The following KCMF1 variants were observed in gnomAD, a reference collection of about 807,000 sequenced individuals.
KCMF1 encodes potassium channel modulatory factor 1, also known as E3 ubiquitin-protein ligase KCMF1.
A neutral mutation model predicts 41.1 loss-of-function variants in KCMF1; 3 were observed. The ratio of observed to expected loss-of-function variants is 0.07; its 90% CI spans 0.03 to 0.19. The LOEUF is 0.19. Ranked by LOEUF, KCMF1 falls within the 10% of genes least tolerant of loss-of-function variation. KCMF1 has a pLI of 1.00. For synonymous variants in KCMF1, 142 were observed against 164.5 expected (o/e 0.86, Z 1.04); for missense variants, 286 against 488.9 (o/e 0.58, Z 3.91).
At position 85,054,898 on chromosome 2, in the gene KCMF1, A is replaced by G. The variant is rs1675893125; in HGVS notation, c.*1489A>G. ...ACATGACAAGCATACAGACTTGAAC[A>G]CCCCTCCGGTGTTCTTCCGAGAACT... On this transcript the variant is annotated 3_prime_UTR_variant, in exon 7 of 7. Transcript: ENST00000409785. 6.6e-6 allele frequency: 1 copy of G among 151,958 alleles called. No individual in the cohort carries two copies. Among genetic ancestry groups the G allele is most frequent in the Admixed American group, 6.6e-5 (1 of 15,258 alleles). 9.4% of individuals were successfully genotyped at this position (151,958 alleles called of 1,614,324 possible). A position where few individuals can be genotyped will look rare whatever the true frequency, so the allele number is the denominator to read the frequency against.
intron 1 of KCMF1, among the ~76,000 whole-genome samples, chr2:85,022,601 A>AGAAG (rs146620009): frequency 0.01 from 1,586 of 152,294 alleles, 20 homozygotes; most frequent in African/African-American, 0.036. Flanking sequence ...GTTTTTGTTT[A>AGAAG]GAAGGAAGGG....
intron 3 of KCMF1, among the ~76,000 whole-genome samples, chr2:85,037,702 C>G (rs1201958805): frequency 6.6e-6 from 1 of 152,192 alleles, no homozygotes; most frequent in Non-Finnish European, 1.5e-5. Context: ...TAACATATTC[C>G]TTTCTAAATG....
intron 1 of KCMF1, among the ~76,000 whole-genome samples, chr2:84,998,944 ATCTATCTATCTATCTATCTATCTG>A (rs1295557439): frequency 2.5e-4 from 25 of 98,626 alleles, no homozygotes; most frequent in South Asian, 2.5e-3. Context: ...CTATCTATCT[ATCTATCTATCTATCTATCTATCTG>A]TCTGTCTGTC....
intron 1 of KCMF1, among the ~76,000 whole-genome samples, chr2:85,019,784 A>G (rs1267164960): frequency 2.0e-5 from 3 of 151,788 alleles, no homozygotes; most frequent in South Asian, 2.1e-4. Context: ...ACGTGTATAT[A>G]TATACGTATA....
chr2:85,002,516 A>G (rs1674358500), intron 1 of KCMF1, among the ~76,000 whole-genome samples: 1 of 152,182 alleles, frequency 6.6e-6, no homozygotes, highest in Non-Finnish European at 1.5e-5. Context: ...CCTAATGTTA[A>G]TAGTTTGCAT....
intron 4 of KCMF1, 102 bp downstream of exon 4, chr2:85,043,767 C>T (rs1046631189): frequency 3.8e-6 from 3 of 788,218 alleles, no homozygotes; most frequent in Admixed American, 2.0e-5. Flanking sequence ...CCTGGCTGGT[C>T]TCAAACTCCT....
intron 1 of KCMF1, among the ~76,000 whole-genome samples, chr2:84,993,547 CATT>C (rs1392919043): frequency 4.3e-5 from 6 of 140,612 alleles, no homozygotes; most frequent in Non-Finnish European, 7.8e-5. Flanking sequence ...TCTCTACCCC[CATT>C]ATTTATTTAT....
rs189737488 is a variant in KCMF1 at position 85,025,505 on chromosome 2, A to G, written c.17-2384A>G. ...TCCCAAACTTGAAAACTCTCTACCC[A>G]CTAAACCGTAACTCCCCGTTCTCCC... On this transcript the variant is annotated intron_variant, in intron 1 of 6. Transcript: ENST00000409785. 2.6e-4 allele frequency among the ~76,000 whole-genome samples: 39 copies of G among 152,156 alleles called. 1 individual carries two copies. The highest frequency in any genetic ancestry group is 6.8e-3 in the Middle Eastern group (2 of 294).
chr2:84,980,491 C>T (rs1673703400), intron 1 of KCMF1, among the ~76,000 whole-genome samples: 1 of 152,200 alleles, frequency 6.6e-6, no homozygotes, highest in Non-Finnish European at 1.5e-5. Flanking sequence ...TCCACCATTC[C>T]CTCTCTGCTA....
intron 2 of KCMF1, among the ~76,000 whole-genome samples, chr2:85,033,764 A>G (rs911514025): frequency 2.0e-5 from 3 of 152,220 alleles, no homozygotes; most frequent in Non-Finnish European, 2.9e-5. Flanking sequence ...GGGACAAACC[A>G]TATTCAAACC....
At chr2:85,048,880 A>G (rs1675735825) in intron 5 of KCMF1, among the ~76,000 whole-genome samples, 1 of 152,224 alleles carries the variant, frequency 6.6e-6, no homozygotes, top group South Asian at 2.1e-4. Context: ...GAAATGATCC[A>G]GGCCTCTTGG....
intron 1 of KCMF1, among the ~76,000 whole-genome samples, chr2:84,997,902 T>C (rs911048383): frequency 3.3e-5 from 5 of 150,184 alleles, no homozygotes; most frequent in African/African-American, 4.9e-5. Context: ...CCCGAGTAGC[T>C]GGGATTACAG....
At chr2:85,001,378 C>T (rs1416780212) in intron 1 of KCMF1, among the ~76,000 whole-genome samples, 1 of 151,752 alleles carries the variant, frequency 6.6e-6, no homozygotes, top group Non-Finnish European at 1.5e-5. Context: ...AGGCTGGTCT[C>T]GAACTCCTGA....
At chr2:84,993,582 T>TATTC (rs1335744499) in intron 1 of KCMF1, among the ~76,000 whole-genome samples, 1 of 151,720 alleles carries the variant, frequency 6.6e-6, no homozygotes, top group African/African-American at 2.4e-5. Context: ...TTTATTTATT[T>TATTC]ATTTATTTTT....
intron 1 of KCMF1, among the ~76,000 whole-genome samples, chr2:84,981,290 T>G (rs376650917): frequency 6.6e-6 from 1 of 151,054 alleles, no homozygotes; most frequent in Middle Eastern, 3.2e-3. Flanking sequence ...CCCGGGTTCA[T>G]GCCATTCTCC....
At chr2:85,028,110 A>G in intron 2 of KCMF1, 54 bp downstream of exon 2, 1 of 1,190,542 alleles carries the variant, frequency 8.4e-7, no homozygotes, top group African/African-American at 1.5e-5. Flanking sequence ...ATGTACGTTG[A>G]AGAAGTAAAG....
At chr2:85,026,470 T>TATC (rs1675106470) in intron 1 of KCMF1, among the ~76,000 whole-genome samples, 1 of 145,030 alleles carries the variant, frequency 6.9e-6, no homozygotes, top group African/African-American at 2.5e-5. Context: ...TTATTATTAT[T>TATC]ATTATTATTA....
chr2:85,020,820 T>A (rs1674914637), intron 1 of KCMF1, among the ~76,000 whole-genome samples: 1 of 152,198 alleles, frequency 6.6e-6, no homozygotes. Context: ...GCCCACGCTG[T>A]CCTTCACTGC....
intron 1 of KCMF1, among the ~76,000 whole-genome samples, chr2:84,996,129 A>G (rs1227717184): frequency 2.0e-5 from 3 of 152,238 alleles, no homozygotes; most frequent in Non-Finnish European, 2.9e-5. Flanking sequence ...TAGTACCTAT[A>G]TAAAAATTGA....
Sources: gnomAD v4.1 joint callset for allele counts (sites outside exome capture counted in the v4.1 genomes callset) on GRCh38, gnomAD v4.1.1 for gene constraint, MANE v1.5 for transcripts, NCBI Gene and HGNC (gene_info 2026-07-23, HGNC 2026-07-21) for gene names.